The following MYT1L variants were observed in gnomAD, a reference collection of about 807,000 sequenced individuals.
MYT1L encodes myelin transcription factor 1-like protein.
MYT1L carries 12 observed loss-of-function variants against 126.7 expected under a neutral mutation model. The ratio of observed to expected loss-of-function variants is 0.09; its 90% CI spans 0.06 to 0.15. The LOEUF is 0.15. Among genes scored for constraint, MYT1L ranks in the 10% least tolerant of loss-of-function variants. The probability of loss-of-function intolerance (pLI) is 1.00; values close to 1 mark genes in which losing one functional copy is unlikely to be tolerated. For synonymous variants in MYT1L, 541 were observed against 604.2 expected, an observed-to-expected ratio of 0.90 and a Z score of 1.53; for missense variants, 979 against 1,585.2, an observed-to-expected ratio of 0.62 and a Z score of 6.49.
chr2:1,924,331 A>G (rs1049385570), intron 9 of MYT1L, among the ~76,000 whole-genome samples: 3 of 152,182 alleles, frequency 2.0e-5, no homozygotes, highest in Admixed American at 6.5e-5. Flanking sequence ...AGTAATAATA[A>G]AAGGGTTCCT....
Position 2,200,478 on chromosome 2 carries a change from G to A in MYT1L, c.-420-27490C>T, listed in dbSNP as rs1036686767. Among the ~76,000 whole-genome samples the A allele has an allele frequency of 4.6e-5, 7 of 151,760 alleles. No individual in the cohort carries two copies. In the South Asian group the frequency reaches 1.5e-3, roughly 32 times the overall value. On this transcript the variant is annotated intron_variant, in intron 2 of 24. Coordinates refer to ENST00000647738, the MANE Select transcript of MYT1L (RefSeq NM_001303052.2). Reference sequence around the variant, plus strand: ...CCTGAACATCTGTCTCCATGACCACGTCTCCTCCTACACGACTGCTGTGAT... The same window carrying A: ...CCTGAACATCTGTCTCCATGACCACATCTCCTCCTACACGACTGCTGTGAT...
chr2:2,173,155 T>G (rs889387992), intron 2 of MYT1L, among the ~76,000 whole-genome samples, 167 bp from the exon 3 acceptor site: 1 of 152,230 alleles, frequency 6.6e-6, no homozygotes, highest in African/African-American at 2.4e-5. Context: ...CCTTGTTATA[T>G]AAACTCTAAT....
chr2:1,817,789 G>C (rs903698192), intron 21 of MYT1L, among the ~76,000 whole-genome samples: 4 of 152,218 alleles, frequency 2.6e-5, no homozygotes, highest in African/African-American at 7.2e-5. Flanking sequence ...CTGGTCCCGG[G>C]TGTAAATTAT....
At chr2:2,207,311 G>A (rs1015750389) in intron 2 of MYT1L, among the ~76,000 whole-genome samples, 11 of 152,114 alleles carry the variant, frequency 7.2e-5, no homozygotes, top group Middle Eastern at 3.4e-3. Context: ...CATATAATGC[G>A]CACTTTCCTG....
intron 18 of MYT1L, among the ~76,000 whole-genome samples, chr2:1,864,455 G>A (rs1160161816): frequency 2.0e-5 from 3 of 152,200 alleles, no homozygotes; most frequent in East Asian, 3.9e-4. Context: ...TGCCGACTTC[G>A]TGTCTGCAGC....
intron 3 of MYT1L, among the ~76,000 whole-genome samples, chr2:2,054,970 G>C (rs974203415): frequency 2.6e-5 from 4 of 152,180 alleles, no homozygotes; most frequent in African/African-American, 9.7e-5. Context: ...TGAGACACAA[G>C]AGATGATGAG....
intron 22 of MYT1L, among the ~76,000 whole-genome samples, chr2:1,807,472 G>T (rs939915025): frequency 6.6e-6 from 1 of 152,188 alleles, no homozygotes; most frequent in African/African-American, 2.4e-5. Flanking sequence ...GCCAGGTTCT[G>T]CCCAGGTTCA....
At chr2:2,247,492 A>G (rs1340715479) in intron 2 of MYT1L, among the ~76,000 whole-genome samples, 1 of 152,172 alleles carries the variant, frequency 6.6e-6, no homozygotes, top group African/African-American at 2.4e-5. Context: ...GAAAATTAAC[A>G]AAGCAACATT....
At chr2:1,859,142 A>G (rs1329334817) in intron 18 of MYT1L, among the ~76,000 whole-genome samples, 1 of 152,178 alleles carries the variant, frequency 6.6e-6, no homozygotes, top group Non-Finnish European at 1.5e-5. Context: ...CCTGAAAGTC[A>G]GGTGAGGGTT....
chr2:2,069,015 A>C (rs1558913259), intron 3 of MYT1L, among the ~76,000 whole-genome samples: 1 of 152,012 alleles, frequency 6.6e-6, no homozygotes, highest in Admixed American at 6.6e-5. Flanking sequence ...CTGGGGCTGC[A>C]GAGTAAAACT....
At chr2:2,229,865 T>C (rs995130381) in intron 2 of MYT1L, among the ~76,000 whole-genome samples, 3 of 152,214 alleles carry the variant, frequency 2.0e-5, no homozygotes, top group Non-Finnish European at 4.4e-5. Flanking sequence ...CCCAAGTCTT[T>C]GTCCTCTCCA....
At chr2:2,301,070 C>T (rs959951220) in intron 1 of MYT1L, among the ~76,000 whole-genome samples, 2 of 152,086 alleles carry the variant, frequency 1.3e-5, no homozygotes, top group African/African-American at 4.8e-5. Context: ...TCTGTGCCAG[C>T]CTTGCACTCA....
chr2:1,934,667 CTCTG>C (rs919527936), intron 9 of MYT1L, among the ~76,000 whole-genome samples: 8 of 152,028 alleles, frequency 5.3e-5, no homozygotes, highest in African/African-American at 2.4e-5. Context: ...GTCTCTGTCT[CTCTG>C]TCTGTCTCAT....
At chr2:2,142,535 A>G (rs2084155109) in intron 3 of MYT1L, among the ~76,000 whole-genome samples, 1 of 152,114 alleles carries the variant, frequency 6.6e-6, no homozygotes, top group Non-Finnish European at 1.5e-5. Flanking sequence ...TGTGTTGTAC[A>G]TGTTCCCATC....
intron 4 of MYT1L, among the ~76,000 whole-genome samples, chr2:2,019,786 T>C (rs1021395667): frequency 5.3e-5 from 8 of 151,702 alleles, no homozygotes; most frequent in Admixed American, 1.3e-4. Context: ...ATAAATGTTA[T>C]ACTGTAAATA....
At chr2:1,828,060 T>G (rs553047795) in intron 21 of MYT1L, 8 of 152,366 alleles carry the variant, frequency 5.3e-5, no homozygotes, top group African/African-American at 1.7e-4. Flanking sequence ...TGGCAATGCA[T>G]CCGGGAGCGT....
intron 3 of MYT1L, among the ~76,000 whole-genome samples, chr2:2,168,394 T>A (rs867329511): frequency 6.6e-6 from 1 of 152,186 alleles, no homozygotes; most frequent in South Asian, 2.1e-4. Flanking sequence ...AAAGCACTTG[T>A]TAGGTGTGTT....
At chr2:2,233,056 C>G (rs2094197939) in intron 2 of MYT1L, among the ~76,000 whole-genome samples, 1 of 152,212 alleles carries the variant, frequency 6.6e-6, no homozygotes, top group African/African-American at 2.4e-5. Flanking sequence ...CTGCATTAAG[C>G]ACTCCTCAAC....
intron 2 of MYT1L, among the ~76,000 whole-genome samples, chr2:2,272,746 C>T (rs561447964): frequency 7.9e-5 from 12 of 152,314 alleles, no homozygotes; most frequent in Admixed American, 6.5e-4. Context: ...CCAAGGGCTT[C>T]CCTGCCAGTC....
Sources: gnomAD v4.1 joint callset for allele counts (sites outside exome capture counted in the v4.1 genomes callset) on GRCh38, gnomAD v4.1.1 for gene constraint, MANE v1.5 for transcripts, NCBI Gene and HGNC (gene_info 2026-07-23, HGNC 2026-07-21) for gene names.